CACNA2D3: variants seen among roughly 807,000 people sequenced by gnomAD.
CACNA2D3 encodes the protein voltage-dependent calcium channel subunit alpha-2/delta-3.
Under a neutral mutation model 160.6 loss-of-function variants are expected in CACNA2D3, and 60 were observed. That is an observed-to-expected ratio of 0.37 (90% confidence interval 0.30 to 0.46). CACNA2D3 has a LOEUF of 0.46. Among genes scored for constraint, CACNA2D3 ranks in the 20% least tolerant of loss-of-function variants. The probability of loss-of-function intolerance (pLI) is 1.00; values close to 1 mark genes in which losing one functional copy is unlikely to be tolerated. For missense variants in CACNA2D3, 1,205 were observed against 1,365.0 expected (o/e 0.88, Z 1.85); for synonymous variants, 558 against 492.9 (o/e 1.13, Z -1.75).
Position 54,227,275 on chromosome 3 carries a change from C to T in CACNA2D3, c.205-93167C>T, listed in dbSNP as rs547836851. 2.5e-4 allele frequency among the ~76,000 whole-genome samples: 38 copies of T among 152,152 alleles called. 1 individual carries two copies. Among genetic ancestry groups the T allele is most frequent in the Middle Eastern group, 6.8e-3 (2 of 294 alleles). ...TGGCACCGGGAGAAATGTCCAGCAC[C>T]GGGATTTTGCTATGTGCTAGGCCCC... On this transcript the variant is annotated intron_variant, in intron 2 of 37. Transcript: ENST00000474759.
intron 35 of CACNA2D3, among the ~76,000 whole-genome samples, chr3:55,043,427 T>G (rs1008437768): frequency 4.2e-5 from 6 of 142,472 alleles, no homozygotes; most frequent in African/African-American, 1.5e-4. Context: ...AAGATTCTTT[T>G]CATGTAATTC....
chr3:54,658,054 A>G (rs1406644674), intron 11 of CACNA2D3, among the ~76,000 whole-genome samples: 1 of 152,216 alleles, frequency 6.6e-6, no homozygotes, highest in Non-Finnish European at 1.5e-5. Context: ...TTGTATGTGT[A>G]CACTACATTT....
chr3:54,563,457 C>T (rs932710734), intron 6 of CACNA2D3, among the ~76,000 whole-genome samples: 1 of 152,170 alleles, frequency 6.6e-6, no homozygotes, highest in African/African-American at 2.4e-5. Flanking sequence ...AGAGGGTGCT[C>T]CCAGCACCCT....
intron 5 of CACNA2D3, among the ~76,000 whole-genome samples, chr3:54,555,408 G>C (rs912881485): frequency 6.6e-6 from 1 of 152,092 alleles, no homozygotes; most frequent in Non-Finnish European, 1.5e-5. Context: ...GGTATGCAAG[G>C]GTGTATAGGA....
intron 16 of CACNA2D3, among the ~76,000 whole-genome samples, chr3:54,840,327 A>G (rs1409981365): frequency 6.6e-6 from 1 of 150,758 alleles, no homozygotes; most frequent in Admixed American, 6.6e-5. Context: ...CCCCCATTTT[A>G]TAGTTAAAGA....
At chr3:54,628,908 A>G (rs1699177592) in intron 10 of CACNA2D3, among the ~76,000 whole-genome samples, 2 of 152,082 alleles carry the variant, frequency 1.3e-5, no homozygotes, top group African/African-American at 2.4e-5. Context: ...AACTGTGACT[A>G]TGGAGGGAAG....
At chr3:54,335,830 C>G (rs375065866) in intron 3 of CACNA2D3, among the ~76,000 whole-genome samples, 6 of 151,652 alleles carry the variant, frequency 4.0e-5, no homozygotes, top group African/African-American at 1.2e-4. Flanking sequence ...ATGGTGAAAC[C>G]TGTCTCTACT....
intron 9 of CACNA2D3, among the ~76,000 whole-genome samples, chr3:54,614,047 C>A (rs1039005482): frequency 6.6e-6 from 1 of 152,178 alleles, no homozygotes; most frequent in East Asian, 1.9e-4. Context: ...GACCAGGTCT[C>A]CCCTTGTTCA....
intron 12 of CACNA2D3, among the ~76,000 whole-genome samples, chr3:54,763,596 C>T (rs1262724819): frequency 6.7e-6 from 1 of 149,722 alleles, no homozygotes; most frequent in Non-Finnish European, 1.5e-5. Flanking sequence ...GGAATAAACA[C>T]ACACACACAG....
chr3:54,516,715 C>T (rs555693379), intron 5 of CACNA2D3, among the ~76,000 whole-genome samples: 5 of 152,350 alleles, frequency 3.3e-5, no homozygotes, highest in African/African-American at 1.2e-4. Flanking sequence ...ACCACATCTT[C>T]ACCCGTGTCT....
At chr3:55,041,619 AT>A (rs1359334070) in intron 35 of CACNA2D3, among the ~76,000 whole-genome samples, 7 of 152,236 alleles carry the variant, frequency 4.6e-5, no homozygotes, top group Admixed American at 3.9e-4. Flanking sequence ...TCAAAAAATC[AT>A]TCTTTGGTGT....
chr3:54,411,464 C>T (rs1321076911), intron 4 of CACNA2D3, among the ~76,000 whole-genome samples: 1 of 152,194 alleles, frequency 6.6e-6, no homozygotes, highest in Non-Finnish European at 1.5e-5. Flanking sequence ...CAGCCATCAA[C>T]ATGGAGTCAA....
chr3:54,721,944 T>C (rs1022217570), intron 11 of CACNA2D3, among the ~76,000 whole-genome samples: 10 of 152,144 alleles, frequency 6.6e-5, no homozygotes, highest in Non-Finnish European at 1.3e-4. Context: ...TTCCTGAATT[T>C]GAATGTTGGC....
chr3:54,493,904 A>G (rs1701156043), intron 4 of CACNA2D3, among the ~76,000 whole-genome samples: 1 of 152,230 alleles, frequency 6.6e-6, no homozygotes, highest in South Asian at 2.1e-4. Context: ...CAAAATATTT[A>G]CTGTCTGACC....
At chr3:54,388,534 A>G (rs1349157057) in intron 4 of CACNA2D3, among the ~76,000 whole-genome samples, 1 of 152,230 alleles carries the variant, frequency 6.6e-6, no homozygotes, top group Non-Finnish European at 1.5e-5. Context: ...GGGAATGAGG[A>G]GAAGCTCTGA....
At chr3:54,999,657 C>T (rs558531004) in intron 31 of CACNA2D3, among the ~76,000 whole-genome samples, 4 of 152,272 alleles carry the variant, frequency 2.6e-5, no homozygotes, top group Admixed American at 6.5e-5. Context: ...CCTGGCCTCA[C>T]GGTACATAGT....
intron 35 of CACNA2D3, among the ~76,000 whole-genome samples, chr3:55,026,755 G>T (rs556795495): frequency 6.6e-6 from 1 of 152,330 alleles, no homozygotes; most frequent in South Asian, 2.1e-4. Flanking sequence ...CCTAGGGCTT[G>T]TTGCCCTTTT....
intron 3 of CACNA2D3, among the ~76,000 whole-genome samples, chr3:54,358,551 G>C (rs1391689875): frequency 6.6e-6 from 1 of 152,184 alleles, no homozygotes; most frequent in African/African-American, 2.4e-5. Flanking sequence ...GGCCTGCAGA[G>C]GGAGAACAGG....
intron 27 of CACNA2D3, chr3:54,924,919 C>A (rs1336332200): frequency 1.9e-6 from 3 of 1,612,998 alleles, no homozygotes; most frequent in East Asian, 4.5e-5. Flanking sequence ...AGATTTAAAA[C>A]CTGCAAGTGC....
Sources: gnomAD v4.1 joint callset for allele counts (sites outside exome capture counted in the v4.1 genomes callset) on GRCh38, gnomAD v4.1.1 for gene constraint, MANE v1.5 for transcripts, NCBI Gene and HGNC (gene_info 2026-07-23, HGNC 2026-07-21) for gene names.